Variants in HERPUD2 observed in about 807,000 individuals in gnomAD.
HERPUD2 encodes the protein HERPUD family member 2, also known as homocysteine-responsive endoplasmic reticulum-resident ubiquitin-like domain member 2 protein.
HERPUD2 carries 13 observed loss-of-function variants against 49.9 expected under a neutral mutation model. The observed-to-expected ratio is 0.26, with a 90% CI of 0.17 to 0.41. The LOEUF is 0.41. HERPUD2 is among the 10% of genes least tolerant of loss of function. The pLI is 1.00. For synonymous variants in HERPUD2, 172 were observed against 171.4 expected (o/e 1.00, Z -0.03); for missense variants, 449 against 492.2 (o/e 0.91, Z 0.83).
At chr7:35,662,838 T>C (rs1209916030) in intron 5 of HERPUD2, among the ~76,000 whole-genome samples, 1 of 152,200 alleles carries the variant, frequency 6.6e-6, no homozygotes, top group Non-Finnish European at 1.5e-5. Context: ...GCTTCATTGA[T>C]ATTTTTGAAG....
In HERPUD2 at chr7:35,694,341, A is replaced by G. The variant is rs765206983; in HGVS notation, c.-11T>C. The stretch of plus-strand genomic sequence containing the variant: ...CCCACTTTGGTCCATGGTGCCCCCA[A>G]AGTCAGACAGAGTCCAGAGGAGCGG... On this transcript the variant is annotated 5_prime_UTR_variant, in exon 2 of 9. Transcript: ENST00000311350. The G allele has an allele frequency of 6.2e-7, 1 of 1,614,102 alleles. No homozygotes were observed. The highest frequency in any genetic ancestry group is 1.3e-5 in the African/African-American group (1 of 75,056).
At chr7:35,665,918 A>G (rs1785528547) in intron 5 of HERPUD2, among the ~76,000 whole-genome samples, 1 of 152,246 alleles carries the variant, frequency 6.6e-6, no homozygotes, top group Non-Finnish European at 1.5e-5. Flanking sequence ...ATTACAAAAT[A>G]TATTCACTGT....
At chr7:35,635,107 C>T (rs1211876830) in intron 7 of HERPUD2, 28 bp downstream of exon 7, 2 of 1,567,898 alleles carry the variant, frequency 1.3e-6, no homozygotes, top group African/African-American at 2.7e-5. Context: ...AGAAATTAAA[C>T]CACAAAAAGT....
intron 2 of HERPUD2, among the ~76,000 whole-genome samples, chr7:35,692,747 C>G (rs1025222872): frequency 6.6e-6 from 1 of 152,124 alleles, no homozygotes; most frequent in African/African-American, 2.4e-5. Flanking sequence ...TTGCAATAAC[C>G]GTCCTATTTC....
chr7:35,666,630 T>C (rs1785541668), intron 5 of HERPUD2, among the ~76,000 whole-genome samples: 1 of 152,128 alleles, frequency 6.6e-6, no homozygotes, highest in Non-Finnish European at 1.5e-5. Flanking sequence ...TAACAAACAA[T>C]AATACCCCAG....
chr7:35,669,341 A>G (rs1007385353), intron 4 of HERPUD2, among the ~76,000 whole-genome samples: 5 of 152,216 alleles, frequency 3.3e-5, no homozygotes, highest in Non-Finnish European at 7.4e-5. Context: ...TTAAAGAAGC[A>G]GTTAACTAGT....
At chr7:35,640,610 G>T (rs1477258051) in intron 5 of HERPUD2, among the ~76,000 whole-genome samples, 3 of 152,082 alleles carry the variant, frequency 2.0e-5, no homozygotes, top group South Asian at 4.1e-4. Flanking sequence ...ATACATCCCA[G>T]GCCCAAGAGG....
intron 5 of HERPUD2, among the ~76,000 whole-genome samples, chr7:35,642,602 A>T (rs1784983413): frequency 1.3e-5 from 2 of 152,212 alleles, no homozygotes; most frequent in African/African-American, 2.4e-5. Context: ...AAGTACATAT[A>T]CACCATGGAA....
In HERPUD2 at chr7:35,634,292, C is replaced by G. The variant is rs1562665541; in HGVS notation, c.1059+20G>C. On this transcript the variant is annotated intron_variant, in intron 8 of 8. Transcript: ENST00000311350. ...GGAAAATCTCAGTATCTTAAGTATA[C>G]AAAAGCTTCAATCACATACCATTTC... 1 of 1,477,104 alleles carries G rather than the reference C, an allele frequency of 6.8e-7. No individual in the cohort carries two copies. Among genetic ancestry groups the G allele is most frequent in the Admixed American group, 1.7e-5 (1 of 59,808 alleles). 91.5% of individuals were successfully genotyped at this position (1,477,104 alleles called of 1,614,324 possible).
At chr7:35,662,813 A>G (rs1316470543) in intron 5 of HERPUD2, among the ~76,000 whole-genome samples, 1 of 152,130 alleles carries the variant, frequency 6.6e-6, no homozygotes, top group African/African-American at 2.4e-5. Flanking sequence ...GATCTTTTCA[A>G]AAAACCAGCT....
At position 35,689,554 on chromosome 7, in the gene HERPUD2, A is replaced by G. The variant is rs60026933; in HGVS notation, c.147+4630T>C. 6.2e-3 allele frequency among the ~76,000 whole-genome samples: 937 copies of G among 152,348 alleles called. 9 individuals are homozygous for G. Among genetic ancestry groups the G allele is most frequent in the African/African-American group, 0.019 (787 of 41,592 alleles). On this transcript the variant is annotated intron_variant, in intron 2 of 8. Coordinates refer to ENST00000311350, the MANE Select transcript of HERPUD2 (RefSeq NM_022373.5). ...AGCTATTTCTACCTGTAATGAAAGT[A>G]AGACTTCTGATTGCAGGCAATTTGG...
intron 5 of HERPUD2, among the ~76,000 whole-genome samples, chr7:35,648,061 A>G (rs1182968102): frequency 6.6e-6 from 1 of 152,238 alleles, no homozygotes; most frequent in Admixed American, 6.5e-5. Flanking sequence ...TTATCACGTT[A>G]GCAAGTACAT....
intron 2 of HERPUD2, among the ~76,000 whole-genome samples, chr7:35,676,913 T>C (rs1012457660): frequency 2.6e-5 from 4 of 152,210 alleles, no homozygotes; most frequent in Non-Finnish European, 5.9e-5. Flanking sequence ...ATCTTCTCTG[T>C]CCTTAGGATA....
intron 5 of HERPUD2, among the ~76,000 whole-genome samples, chr7:35,641,510 A>C (rs2115842295): frequency 6.6e-6 from 1 of 152,332 alleles, no homozygotes; most frequent in South Asian, 2.1e-4. Flanking sequence ...GAGCCTGAAT[A>C]GCCAAGGCAA....
At chr7:35,681,614 GTATA>G (rs1193377660) in intron 2 of HERPUD2, among the ~76,000 whole-genome samples, 1 of 152,066 alleles carries the variant, frequency 6.6e-6, no homozygotes, top group Non-Finnish European at 1.5e-5. Context: ...AAAATATGGT[GTATA>G]TAAATATATG....
At chr7:35,668,164 T>C (rs956922886) in intron 4 of HERPUD2, among the ~76,000 whole-genome samples, 5 of 152,204 alleles carry the variant, frequency 3.3e-5, no homozygotes, top group African/African-American at 9.6e-5. Context: ...CCTCTCAGAG[T>C]TTCCACTTTC....
intron 2 of HERPUD2, among the ~76,000 whole-genome samples, chr7:35,684,366 G>A (rs1785984215): frequency 6.6e-6 from 1 of 151,746 alleles, no homozygotes; most frequent in South Asian, 2.1e-4. Flanking sequence ...CTCCAGCCTG[G>A]GTGATGGAGC....
intron 2 of HERPUD2, among the ~76,000 whole-genome samples, chr7:35,679,040 A>T (rs1188746921): frequency 6.6e-6 from 1 of 152,214 alleles, no homozygotes; most frequent in Non-Finnish European, 1.5e-5. Flanking sequence ...TCACGGAAAC[A>T]ATAGGTCACT....
intron 2 of HERPUD2, among the ~76,000 whole-genome samples, chr7:35,691,192 G>A (rs1738033765): frequency 6.6e-6 from 1 of 152,060 alleles, no homozygotes; most frequent in African/African-American, 2.4e-5. Context: ...TGAGGGGGAG[G>A]GGTACATTTG....
Sources: gnomAD v4.1 joint callset for allele counts (sites outside exome capture counted in the v4.1 genomes callset) on GRCh38, gnomAD v4.1.1 for gene constraint, MANE v1.5 for transcripts, NCBI Gene and HGNC (gene_info 2026-07-23, HGNC 2026-07-21) for gene names.